The following LMNA variants were observed in gnomAD, a reference collection of about 807,000 sequenced individuals.
LMNA encodes the protein lamin.
Under a neutral mutation model 70.4 loss-of-function variants are expected in LMNA, and 20 were observed. The ratio of observed to expected loss-of-function variants is 0.28; its 90% CI spans 0.20 to 0.41. The LOEUF is 0.41. Among genes scored for constraint, LMNA ranks in the 10% least tolerant of loss-of-function variants. The pLI, the probability that LMNA is intolerant of heterozygous loss-of-function variation, is 1.00. For synonymous variants in LMNA, 339 were observed against 372.8 expected (o/e 0.91, Z 1.04); for missense variants, 652 against 917.2 (o/e 0.71, Z 3.73).
At chr1:156,083,958 G>T (rs921002229) in intron 2 of LMNA, among the ~76,000 whole-genome samples, 4 of 152,122 alleles carry the variant, frequency 2.6e-5, no homozygotes, top group African/African-American at 4.8e-5. Context: ...CATATTTTCT[G>T]CATTTATTTT....
At chr1:156,084,345 A>AGGGGG (rs1648402721) in intron 2 of LMNA, among the ~76,000 whole-genome samples, 3 of 87,104 alleles carry the variant, frequency 3.4e-5, no homozygotes, top group African/African-American at 8.1e-5. Flanking sequence ...TGGTGGGGGC[A>AGGGGG]GTTGGCACAC....
chr1:156,138,683 A>G lies in LMNA; in HGVS notation c.1894A>G (p.Ser632Gly). 6.2e-7 allele frequency: 1 copy of G among 1,613,658 alleles called. No homozygotes were observed. Among genetic ancestry groups the G allele is most frequent in the Non-Finnish European group, 8.5e-7 (1 of 1,179,992 alleles). The change falls in exon 11 of 12, where the codon AGT becomes GGT. Residue 632 changes from serine to glycine, a missense_variant. Ser to Gly is a moderately conservative substitution (Grantham distance 56). Around this residue, in one of 4 missense-constraint regions of LMNA, gnomAD observed 327 missense variants for 387.6 expected, o/e 0.84. Transcript: ENST00000368300. This position sits in a 1 kb window ranked among gnomAD's most constrained non-coding sequence, Gnocchi z 5.5. ...VTRSYRSVGG[S>G]GGGSFGDNLV... ...TCGCAGCTACCGCAGTGTGGGGGGC[A>G]GTGGGGGTGGCAGCTTCGGGGACAA...
chr1:156,134,643 T>A lies in LMNA; in HGVS notation c.639+115T>A. 1 of 1,542,308 alleles carries A rather than the reference T, an allele frequency of 6.5e-7. No individual in the cohort carries two copies. The highest frequency in any genetic ancestry group is 2.2e-5 in the East Asian group (1 of 44,478). ...CGCCTTCCTGAGTCCCTTGCCCTAG[T>A]GGACAGGGAGTTGGGGGTGGCCAGC... On this transcript the variant is annotated intron_variant, in intron 3 of 11. Coordinates refer to ENST00000368300, the MANE Select transcript of LMNA (RefSeq NM_170707.4). This position sits in a 1 kb window ranked among gnomAD's most constrained non-coding sequence, Gnocchi z 5.3.
At chr1:156,130,383 G>A (rs1425409010) in intron 1 of LMNA, among the ~76,000 whole-genome samples, 1 of 152,132 alleles carries the variant, frequency 6.6e-6, no homozygotes, top group Non-Finnish European at 1.5e-5. Flanking sequence ...ACGTTCCTGA[G>A]CCCTGAGTCA....
upstream of LMNA, among the ~76,000 whole-genome samples, chr1:156,110,925 G>C (rs973494432): frequency 6.6e-6 from 1 of 152,086 alleles, no homozygotes; most frequent in Non-Finnish European, 1.5e-5. Flanking sequence ...GCAGTGAGCC[G>C]AGATTGTGCC....
At chr1:156,131,485 G>A (rs1336837063) in intron 2 of LMNA, among the ~76,000 whole-genome samples, 1 of 152,198 alleles carries the variant, frequency 6.6e-6, no homozygotes, top group African/African-American at 2.4e-5. Context: ...AGCTACTTGG[G>A]AGGCTGAGGC....
Position 156,138,535 on chromosome 1 carries a change from C to T in LMNA, c.1746C>T (p.Arg582=), listed in dbSNP as rs764561834. ...GGGACCCCGCTGAGTACAACCTGCG[C>T]TCGCGCACCGTGCTGTGCGGGACCT... ...SSGDPAEYNL[R]SRTVLCGTCG... is the part of the protein sequence containing the mutation. Residue 582 remains arginine (R), a synonymous_variant, in exon 11 of 12, where the codon CGC becomes CGT. Transcript: ENST00000368300. The surrounding 1 kb of genome is among the most constrained non-coding windows in gnomAD (Gnocchi z 5.5). 1.4e-5 allele frequency: 23 copies of T among 1,612,644 alleles called. No homozygotes were observed. The South Asian group carries it at 2.4e-4, about 17-fold the overall frequency.
rs1651383818 is a variant in LMNA at position 156,134,757 on chromosome 1, G to T, written c.640-48G>T. On this transcript the variant is annotated intron_variant, in intron 3 of 11. Coordinates refer to ENST00000368300, the MANE Select transcript of LMNA (RefSeq NM_170707.4). This position sits in a 1 kb window ranked among gnomAD's most constrained non-coding sequence, Gnocchi z 5.3. ...CCGCCCCTGGGTCTTGGCCTCCCAG[G>T]AACTAATTCTGATTTTGGTTTCTGT... The T allele has an allele frequency of 1.2e-6, 2 of 1,613,170 alleles. No homozygotes were observed. Among genetic ancestry groups the T allele is most frequent in the South Asian group, 2.2e-5 (2 of 91,012 alleles).
chr1:156,128,089 A>G (rs1320728018), intron 1 of LMNA, among the ~76,000 whole-genome samples: 1 of 152,096 alleles, frequency 6.6e-6, no homozygotes, highest in African/African-American at 2.4e-5. Flanking sequence ...CCCTAGATAT[A>G]GCTTTCTGTG....
rs576231650 is a variant in LMNA at position 156,108,235 on chromosome 1, C to G, written c.-206-6478C>G. ...TCCACTGTCAAGGTTATAACTATCA[C>G]CTGCACATGAGTGACTCAGCACTTC... On this transcript the variant is annotated intron_variant, in intron 3 of 12. Coordinates refer to the LMNA transcript ENST00000368301. Among the ~76,000 whole-genome samples, 16 of 152,266 alleles carry G rather than the reference C, an allele frequency of 1.1e-4. No homozygotes were observed. In the East Asian group the frequency reaches 3.1e-3, roughly 29 times the overall value.
rs939792200 is a variant in LMNA at position 156,106,497 on chromosome 1, C to T, written c.-206-8216C>T. Among the ~76,000 whole-genome samples the T allele has an allele frequency of 1.3e-4, 20 of 152,250 alleles. 1 individual carries two copies. The highest frequency in any genetic ancestry group is 6.5e-5 in the Admixed American group (1 of 15,288). On this transcript the variant is annotated intron_variant, in intron 3 of 12. Coordinates refer to the LMNA transcript ENST00000368301. ...ACGCAGTCGCCTGCGTCAGCACCAGCCGTCAGGCCCTCGCTGCCCGCCTGC... is the reference window on the plus strand; with the variant it reads ...ACGCAGTCGCCTGCGTCAGCACCAGTCGTCAGGCCCTCGCTGCCCGCCTGC...
Position 156,134,730 on chromosome 1 carries a change from C to A in LMNA, c.640-75C>A, listed in dbSNP as rs1295120378. ...TCATGGAGTAGGGCTGGGCAGGGAG[C>A]CCCGCCCCTGGGTCTTGGCCTCCCA... On this transcript the variant is annotated intron_variant, in intron 3 of 11. Coordinates refer to ENST00000368300, the MANE Select transcript of LMNA (RefSeq NM_170707.4). This position sits in a 1 kb window ranked among gnomAD's most constrained non-coding sequence, Gnocchi z 5.3. 6.3e-7 allele frequency: 1 copy of A among 1,598,372 alleles called. No individual in the cohort carries two copies. The highest frequency in any genetic ancestry group is 8.6e-7 in the Non-Finnish European group (1 of 1,166,916).
rs769210828 is a variant in LMNA at position 156,135,260 on chromosome 1, C to T, written c.884C>T (p.Ser295Leu). Residue 295 changes from serine (S) to leucine (L), a missense_variant, in exon 5 of 12, where the codon TCG becomes TTG. Ser to Leu is a moderately radical substitution (Grantham distance 145, BLOSUM62 -2). Transcript: ENST00000368300. The surrounding 1 kb of genome is among the most constrained non-coding windows in gnomAD (Gnocchi z 4.8). Reference protein sequence around the residue: ...VGAAHEELQQSRIRIDSLSAQ... With the variant: ...VGAAHEELQQLRIRIDSLSAQ... ...GCTGCCCACGAGGAGCTGCAGCAGT[C>T]GCGCATCCGCATCGACAGCCTCTCT... 23 of 1,613,512 alleles carry T rather than the reference C, an allele frequency of 1.4e-5. No individual in the cohort carries two copies. The highest frequency in any genetic ancestry group is 3.3e-5 in the Admixed American group (2 of 60,010).
intron 2 of LMNA, among the ~76,000 whole-genome samples, chr1:156,084,067 G>A (rs1414845308): frequency 6.6e-6 from 1 of 152,154 alleles, no homozygotes; most frequent in African/African-American, 2.4e-5. Flanking sequence ...CTTCCATAAA[G>A]AGTTTTATAA....
intron 2 of LMNA, among the ~76,000 whole-genome samples, chr1:156,132,386 C>T (rs1023347943): frequency 2.0e-5 from 3 of 151,904 alleles, no homozygotes; most frequent in Non-Finnish European, 4.4e-5. Flanking sequence ...AGGAGAATCG[C>T]TTGAACCCGG....
intron 3 of LMNA, chr1:156,093,784 T>C (rs1018368807): frequency 3.3e-5 from 5 of 152,232 alleles, no homozygotes; most frequent in Non-Finnish European, 4.4e-5. Context: ...ACAAAGTAGG[T>C]GCTTAATAAA....
chr1:156,134,939 G>A lies in LMNA; in HGVS notation c.774G>A (p.Gln258=), dbSNP rs2102881783. Residue 258 remains glutamine (Q), a synonymous_variant, in exon 4 of 12, where the codon CAG becomes CAA. Transcript: ENST00000368300. The surrounding 1 kb of genome is among the most constrained non-coding windows in gnomAD (Gnocchi z 5.3). ...LRAQHEDQVE[Q]YKKELEKTYS... is the part of the protein sequence containing the mutation. ...CCCAGCATGAGGACCAGGTGGAGCA[G>A]TATAAGAAGGAGCTGGAGAAGACTT... 2 of 1,614,250 alleles carry A rather than the reference G, an allele frequency of 1.2e-6. No homozygotes were observed. The highest frequency in any genetic ancestry group is 1.7e-6 in the Non-Finnish European group (2 of 1,180,050).
Position 156,134,722 on chromosome 1 carries a change from G to T in LMNA, c.640-83G>T. 1.3e-6 allele frequency: 2 copies of T among 1,593,130 alleles called. No homozygotes were observed. The highest frequency in any genetic ancestry group is 1.7e-6 in the Non-Finnish European group (2 of 1,162,436). ...GTAGTGGCTCATGGAGTAGGGCTGG[G>T]CAGGGAGCCCCGCCCCTGGGTCTTG... On this transcript the variant is annotated intron_variant, in intron 3 of 11. Transcript: ENST00000368300. This position sits in a 1 kb window ranked among gnomAD's most constrained non-coding sequence, Gnocchi z 5.3.
At chr1:156,117,290 A>C (rs936458803) in intron 1 of LMNA, among the ~76,000 whole-genome samples, 1 of 151,288 alleles carries the variant, frequency 6.6e-6, no homozygotes, top group African/African-American at 2.4e-5. Context: ...GCTGGAGTAC[A>C]GTAGTGTGAC....
Sources: allele counts gnomAD v4.1 joint callset (sites outside exome capture counted in the v4.1 genomes callset), GRCh38; gene constraint gnomAD v4.1.1; regional missense constraint gnomAD v4.1.1; non-coding constraint Gnocchi (gnomAD v3.1); transcripts MANE v1.5; gene names NCBI Gene and HGNC (gene_info 2026-07-23, HGNC 2026-07-21).